The following AHI1 variants were observed in gnomAD, a reference collection of about 807,000 sequenced individuals.
AHI1 encodes the protein jouberin.
Under a neutral mutation model 149.3 loss-of-function variants are expected in AHI1, and 123 were observed. The ratio of observed to expected loss-of-function variants is 0.82; its 90% CI spans 0.71 to 0.96. The LOEUF (loss-of-function observed/expected upper bound fraction) is 0.96. Ranked by LOEUF, AHI1 falls within the 40% of genes least tolerant of loss-of-function variation. The pLI, the probability that AHI1 is intolerant of heterozygous loss-of-function variation, is 0.00. For synonymous variants in AHI1, 475 were observed against 459.8 expected (o/e 1.03, Z -0.42); for missense variants, 1,439 against 1,422.7 (o/e 1.01, Z -0.18).
chr6:135,431,338 C>A, intron 16 of AHI1, 24 bp from the exon 17 acceptor site: 1 of 1,419,440 alleles, frequency 7.0e-7, no homozygotes, highest in South Asian at 1.2e-5. Flanking sequence ...TAAGATCACT[C>A]ACTTATGAAT....
At chr6:135,323,345 C>G in intron 24 of AHI1, 21 bp from the exon 25 acceptor site, 1 of 1,610,224 alleles carries the variant, frequency 6.2e-7, no homozygotes, top group Non-Finnish European at 8.5e-7. Context: ...GATAAGACCA[C>G]CACAGCTTTA....
chr6:135,489,685 T>C lies in AHI1; in HGVS notation c.135+938A>G, dbSNP rs541213427. 3.3e-5 allele frequency among the ~76,000 whole-genome samples: 5 copies of C among 152,276 alleles called. No homozygotes were observed. The East Asian group carries it at 9.6e-4, about 29-fold the overall frequency. ...TCAGTAGTTCGAAATTTTTGTGCAG[T>C]CGTACACCAGTGTATACACTATGAA... On this transcript the variant is annotated intron_variant, in intron 5 of 28. Transcript: ENST00000265602.
intron 23 of AHI1, among the ~76,000 whole-genome samples, chr6:135,393,786 T>C (rs1778848187): frequency 6.6e-6 from 1 of 152,082 alleles, no homozygotes; most frequent in African/African-American, 2.4e-5. Flanking sequence ...TTTTCATATG[T>C]GCAATCTCAT....
rs113961846 is a variant in AHI1 at position 135,394,272 on chromosome 6, T to C, written c.3109+504A>G. 9.3e-3 allele frequency among the ~76,000 whole-genome samples: 1,419 copies of C among 152,192 alleles called. 20 individuals are homozygous for C. Among genetic ancestry groups the C allele is most frequent in the African/African-American group, 0.032 (1,320 of 41,568 alleles). The stretch of plus-strand genomic sequence containing the variant: ...AAACCTTATTGAAACTCATTTAAAA[T>C]ATTTGCCAAAACAATTGTATAGTTC... On this transcript the variant is annotated intron_variant, in intron 23 of 28. Coordinates refer to ENST00000265602, the MANE Select transcript of AHI1 (RefSeq NM_001134831.2).
At chr6:135,445,748 A>AT (rs532701058) in intron 13 of AHI1, among the ~76,000 whole-genome samples, 1 of 151,926 alleles carries the variant, frequency 6.6e-6, no homozygotes, top group Admixed American at 6.6e-5. Context: ...AATTAAAAAA[A>AT]TTTTTTTTAA....
intron 15 of AHI1, among the ~76,000 whole-genome samples, chr6:135,434,570 A>G (rs1210884120): frequency 6.6e-6 from 1 of 152,074 alleles, no homozygotes; most frequent in African/African-American, 2.4e-5. Context: ...GCTCAATATA[A>G]TTAAAACAGA....
At chr6:135,295,083 CAAAT>C (rs1244367024) in intron 27 of AHI1, among the ~76,000 whole-genome samples, 2 of 152,144 alleles carry the variant, frequency 1.3e-5, no homozygotes, top group South Asian at 2.1e-4. Flanking sequence ...TTTAATAAAA[CAAAT>C]AACCTATTAC....
chr6:135,449,816 G>A (rs563899020), intron 11 of AHI1, among the ~76,000 whole-genome samples: 2 of 152,358 alleles, frequency 1.3e-5, no homozygotes, highest in Admixed American at 1.3e-4. Context: ...CCCTGCACTT[G>A]AAGTATGGCT....
intron 15 of AHI1, among the ~76,000 whole-genome samples, chr6:135,433,945 T>C (rs1785015797): frequency 6.6e-6 from 1 of 152,078 alleles, no homozygotes; most frequent in Non-Finnish European, 1.5e-5. Context: ...TGCTACAGTC[T>C]TGACAAATGA....
At chr6:135,288,987 T>A (rs1025865812) in intron 28 of AHI1, among the ~76,000 whole-genome samples, 2 of 152,036 alleles carry the variant, frequency 1.3e-5, no homozygotes, top group African/African-American at 4.8e-5. Context: ...AAACTTGTCA[T>A]TTTGAAAGGG....
intron 22 of AHI1, among the ~76,000 whole-genome samples, chr6:135,401,958 T>C (rs1479868340): frequency 6.6e-6 from 1 of 151,930 alleles, no homozygotes; most frequent in Non-Finnish European, 1.5e-5. Context: ...ATCTAGAATA[T>C]ATAAAGAACT....
At chr6:135,342,574 A>T (rs1031100835) in intron 24 of AHI1, among the ~76,000 whole-genome samples, 1 of 151,898 alleles carries the variant, frequency 6.6e-6, no homozygotes, top group Admixed American at 6.6e-5. Flanking sequence ...CAAGGGAATG[A>T]CAGGTTGGCT....
intron 15 of AHI1, among the ~76,000 whole-genome samples, chr6:135,438,064 C>G (rs978063769): frequency 3.9e-5 from 6 of 152,070 alleles, no homozygotes; most frequent in Non-Finnish European, 7.4e-5. Flanking sequence ...AGCTTATGCT[C>G]TAGGAAAAAA....
At chr6:135,400,018 T>C (rs907927823) in intron 22 of AHI1, among the ~76,000 whole-genome samples, 6 of 152,052 alleles carry the variant, frequency 3.9e-5, no homozygotes, top group Admixed American at 6.6e-5. Context: ...CAGTCCCCAA[T>C]AGTTATCTTT....
chr6:135,488,397 G>A (rs950744902), intron 5 of AHI1, among the ~76,000 whole-genome samples: 3 of 151,916 alleles, frequency 2.0e-5, no homozygotes, highest in Admixed American at 2.0e-4. Flanking sequence ...AGATTTTTCC[G>A]TAGTGTCAAT....
In AHI1 at chr6:135,497,595, G is replaced by A. The variant is rs183265971; in HGVS notation, c.-214C>T. On this transcript the variant is annotated 5_prime_UTR_variant, in exon 1 of 29. Coordinates refer to ENST00000265602, the MANE Select transcript of AHI1 (RefSeq NM_001134831.2). ...ATGATGTACTCACGGAGAGGGGTAC[G>A]CAGAACCGCCCGTCCCGCCGGAGCC... is the stretch of plus-strand genomic sequence containing the variant. 38 of 155,648 alleles carry A rather than the reference G, an allele frequency of 2.4e-4. No homozygotes were observed. The East Asian group carries it at 5.6e-3, about 23-fold the overall frequency. 9.6% of individuals were successfully genotyped at this position (155,648 alleles called of 1,614,324 possible).
chr6:135,298,203 G>A (rs1490605382), intron 27 of AHI1, among the ~76,000 whole-genome samples: 1 of 151,854 alleles, frequency 6.6e-6, no homozygotes, highest in East Asian at 1.9e-4. Flanking sequence ...AGAAGTTTAA[G>A]ATTTTCAGGA....
intron 22 of AHI1, among the ~76,000 whole-genome samples, chr6:135,395,615 G>A (rs1274492037): frequency 6.6e-6 from 1 of 151,780 alleles, no homozygotes; most frequent in Non-Finnish European, 1.5e-5. Flanking sequence ...AGCTTGAAAT[G>A]TTTATAGGCA....
intron 23 of AHI1, among the ~76,000 whole-genome samples, chr6:135,381,032 G>A (rs1217376126): frequency 6.6e-6 from 1 of 151,992 alleles, no homozygotes; most frequent in Non-Finnish European, 1.5e-5. Flanking sequence ...TGAACATTAA[G>A]CACATTAATT....
Sources: allele counts gnomAD v4.1 joint callset (sites outside exome capture counted in the v4.1 genomes callset), GRCh38; gene constraint gnomAD v4.1.1; transcripts MANE v1.5; gene names NCBI Gene and HGNC (gene_info 2026-07-23, HGNC 2026-07-21).